Variants in HTT observed in about 807,000 individuals in gnomAD.
The protein encoded by HTT is huntington disease protein.
A neutral mutation model predicts 362.3 loss-of-function variants in HTT; 104 were observed. That is an observed-to-expected ratio of 0.29 (90% CI 0.24 to 0.34). HTT has a LOEUF of 0.34. Ranked by LOEUF, HTT falls within the 10% of genes least tolerant of loss-of-function variation. The pLI, the probability that HTT is intolerant of heterozygous loss-of-function variation, is 1.00. For missense variants in HTT, 3,301 were observed against 3,928.6 expected (o/e 0.84, Z 4.27); for synonymous variants, 1,577 against 1,548.7 (o/e 1.02, Z -0.43).
At chr4:3,103,609 C>A (rs1253132646) in intron 3 of HTT, among the ~76,000 whole-genome samples, 1 of 152,110 alleles carries the variant, frequency 6.6e-6, no homozygotes, top group Non-Finnish European at 1.5e-5. Flanking sequence ...AATTGTTTTT[C>A]TTTCCATTTT....
chr4:3,220,102 G>C (rs1202556216), intron 52 of HTT, 80 bp from the exon 53 acceptor site: 7 of 1,519,288 alleles, frequency 4.6e-6, no homozygotes, highest in Non-Finnish European at 6.4e-6. Flanking sequence ...CCAGTGGAGA[G>C]AAGTCGGGCT....
intron 29 of HTT, among the ~76,000 whole-genome samples, chr4:3,168,902 C>T (rs1377891043): frequency 6.6e-6 from 1 of 151,892 alleles, no homozygotes; most frequent in East Asian, 1.9e-4. Context: ...AATGATATGC[C>T]CTGATGTAGT....
chr4:3,199,738 TC>T lies in HTT; in HGVS notation c.5377del (p.Arg1793GlyfsTer26). 6.2e-7 allele frequency: 1 copy of T among 1,613,830 alleles called. No homozygotes were observed. Among genetic ancestry groups the T allele is most frequent in the Non-Finnish European group, 8.5e-7 (1 of 1,179,966 alleles). On this transcript the variant is annotated frameshift_variant, in exon 41 of 67. Transcript: ENST00000355072. LOFTEE classifies it high-confidence loss of function. The stretch of plus-strand genomic sequence containing the variant: ...TCCTTAACTTTGTTTCTAGGAATGT[TC>T]CGGAGAATCACAGCAGCTGCCACTA... Reference protein sequence around the residue: ...CLIHIFKSGMFRRITAAATRL... With the variant: ...CLIHIFKSGMXRRITAAATRL...
At chr4:3,092,027 TTATG>T (rs1244620435) in intron 2 of HTT, among the ~76,000 whole-genome samples, 1 of 152,146 alleles carries the variant, frequency 6.6e-6, no homozygotes, top group Non-Finnish European at 1.5e-5. Flanking sequence ...ATATATTTAT[TTATG>T]TGTTTATTGA....
Position 3,131,278 on chromosome 4 carries a change from C to T in HTT, c.1987-8C>T. On this transcript the variant is annotated splice_region_variant and splice_polypyrimidine_tract_variant and intron_variant, in intron 14 of 66. Transcript: ENST00000355072. ...TGAGACAAACAAGTGTCATTGTCTCCTTTCTAGCCTTGCCGCATCAAAGGT... is the reference window on the plus strand; with the variant it reads ...TGAGACAAACAAGTGTCATTGTCTCTTTTCTAGCCTTGCCGCATCAAAGGT... 6.3e-7 allele frequency: 1 copy of T among 1,599,588 alleles called. No individual in the cohort carries two copies. The highest frequency in any genetic ancestry group is 8.6e-7 in the Non-Finnish European group (1 of 1,166,802).
At chr4:3,124,942 A>G (rs1715455583) in intron 10 of HTT, among the ~76,000 whole-genome samples, 1 of 152,238 alleles carries the variant, frequency 6.6e-6, no homozygotes, top group Admixed American at 6.5e-5. Flanking sequence ...TTTAAATCAT[A>G]TTAAGACTGT....
chr4:3,241,618 A>T lies in HTT; in HGVS notation c.*1559A>T, dbSNP rs919906021. ...GATGTTTTGGGTATTGAATGTGGTA[A>T]GTGGAGGAAATGTTGGAACTCTGTG... On this transcript the variant is annotated 3_prime_UTR_variant, in exon 67 of 67. Coordinates refer to ENST00000355072, the MANE Select transcript of HTT (RefSeq NM_001388492.1). 2 of 152,272 alleles carry T rather than the reference A, an allele frequency of 1.3e-5. No individual in the cohort carries two copies. Among genetic ancestry groups the T allele is most frequent in the African/African-American group, 2.4e-5 (1 of 41,436 alleles). 9.4% of individuals were successfully genotyped at this position (152,272 alleles called of 1,614,324 possible). A position where few individuals can be genotyped will look rare whatever the true frequency, so the allele number is the denominator to read the frequency against.
At chr4:3,176,370 G>A (rs527844729) in intron 33 of HTT, among the ~76,000 whole-genome samples, 1 of 152,332 alleles carries the variant, frequency 6.6e-6, no homozygotes, top group African/African-American at 2.4e-5. Flanking sequence ...GGTGGGCTTT[G>A]CGTTGGCCTG....
chr4:3,083,530 TAC>T (rs56210756), intron 1 of HTT, among the ~76,000 whole-genome samples: 22,310 of 124,956 alleles, frequency 0.18, 2,702 homozygotes, highest in African/African-American at 0.3. Context: ...TCTCTAAATA[TAC>T]ACACACACAC....
chr4:3,208,695 A>T, intron 45 of HTT, 78 bp from the exon 46 acceptor site: 1 of 1,325,690 alleles, frequency 7.5e-7, no homozygotes, highest in Non-Finnish European at 1.0e-6. Flanking sequence ...CTAGAATCCT[A>T]GTGTGCAGAG....
In HTT at chr4:3,222,378, T is replaced by G; in HGVS notation, c.7370-9T>G. 1 of 1,611,756 alleles carries G rather than the reference T, an allele frequency of 6.2e-7. No individual in the cohort carries two copies. The highest frequency in any genetic ancestry group is 8.5e-7 in the Non-Finnish European group (1 of 1,177,892). On this transcript the variant is annotated splice_polypyrimidine_tract_variant and intron_variant, in intron 53 of 66. Transcript: ENST00000355072. ...TTGACACTCTCTCATGTAACATTTA[T>G]ATTTCTAGGCTGGACCAGTCGTACT... is the stretch of plus-strand genomic sequence containing the variant.
Position 3,186,502 on chromosome 4 carries a change from T to G in HTT, c.4867-95T>G, listed in dbSNP as rs569804924. 1,111 of 1,360,662 alleles carry G rather than the reference T, an allele frequency of 8.2e-4. 15 individuals carry two copies. In the South Asian group the frequency reaches 0.011, roughly 14 times the overall value. 84.3% of individuals were successfully genotyped at this position (1,360,662 alleles called of 1,614,324 possible). On this transcript the variant is annotated intron_variant, in intron 37 of 66. Transcript: ENST00000355072. ...TGAGGGAAGGTGACGATGAGATGAT[T>G]ATGATGATTTGCCCTTGAGTTACAT...
chr4:3,184,576 C>T (rs1251569839), intron 37 of HTT, among the ~76,000 whole-genome samples: 4 of 151,988 alleles, frequency 2.6e-5, no homozygotes, highest in African/African-American at 7.3e-5. Context: ...TTAGATGTGG[C>T]ATGTGAGAGA....
intron 60 of HTT, among the ~76,000 whole-genome samples, chr4:3,230,492 T>C (rs978907587): frequency 1.3e-5 from 2 of 152,218 alleles, no homozygotes; most frequent in African/African-American, 2.4e-5. Flanking sequence ...GGCCGTTTTG[T>C]CACAGTGACC....
intron 26 of HTT, among the ~76,000 whole-genome samples, chr4:3,148,889 G>A (rs1294282235): frequency 6.6e-6 from 1 of 152,200 alleles, no homozygotes; most frequent in Non-Finnish European, 1.5e-5. Flanking sequence ...CCTGGGAGGC[G>A]GAGTTTGCAG....
chr4:3,135,910 G>T lies in HTT; in HGVS notation c.2640G>T (p.Val880=). The T allele has an allele frequency of 6.2e-7, 1 of 1,601,580 alleles. No homozygotes were observed. Among genetic ancestry groups the T allele is most frequent in the South Asian group, 1.1e-5 (1 of 88,474 alleles). The change falls in exon 20 of 67, where the codon GTG becomes GTT. Residue 880 remains valine, a synonymous_variant. Coordinates refer to ENST00000355072, the MANE Select transcript of HTT (RefSeq NM_001388492.1). The part of the protein sequence containing the change: ...ETLAEIDFRL[V]SFLEAKAENL... Reference sequence around the variant, plus strand: ...AAATGTGCTCTTTTGTTAGGCTGGTGAGCTTTTTGGAGGCAAAAGCAGAAA... The same window carrying T: ...AAATGTGCTCTTTTGTTAGGCTGGTTAGCTTTTTGGAGGCAAAAGCAGAAA...
intron 40 of HTT, among the ~76,000 whole-genome samples, chr4:3,190,174 A>G (rs966023963): frequency 1.3e-5 from 2 of 151,768 alleles, no homozygotes; most frequent in African/African-American, 2.4e-5. Flanking sequence ...CGAGACCCCT[A>G]TCTCTACAAA....
intron 61 of HTT, among the ~76,000 whole-genome samples, chr4:3,233,889 G>T (rs1423292879): frequency 6.6e-6 from 1 of 152,228 alleles, no homozygotes; most frequent in Non-Finnish European, 1.5e-5. Flanking sequence ...AGAGGGCTCT[G>T]TGACACCCTG....
intron 6 of HTT, chr4:3,112,939 C>T: frequency 1.8e-6 from 1 of 555,274 alleles, no homozygotes; most frequent in Non-Finnish European, 2.3e-6. Context: ...CTTAGCCTTC[C>T]TGATGGGTGT....
Sources: allele counts gnomAD v4.1 joint callset (sites outside exome capture counted in the v4.1 genomes callset), GRCh38; gene constraint gnomAD v4.1.1; transcripts MANE v1.5; gene names NCBI Gene and HGNC (gene_info 2026-07-23, HGNC 2026-07-21).